The following TNRC18 variants were observed in gnomAD, a reference collection of about 807,000 sequenced individuals.
TNRC18 encodes the protein trinucleotide repeat-containing gene 18 protein.
A neutral mutation model predicts 226.7 loss-of-function variants in TNRC18; 69 were observed. That is an observed-to-expected ratio of 0.30 (90% CI 0.25 to 0.37). TNRC18 has a LOEUF of 0.37. TNRC18 is among the 10% of genes least tolerant of loss of function. The pLI is 1.00. For synonymous variants in TNRC18, 2,449 were observed against 1,927.6 expected, an observed-to-expected ratio of 1.27 and a Z score of -7.09; for missense variants, 4,754 against 4,256.6, an observed-to-expected ratio of 1.12 and a Z score of -3.25.
At position 5,312,345 on chromosome 7, in the gene TNRC18, G is replaced by C. The variant is rs1053831228; in HGVS notation, c.8388+158C>G. ...AGACCCAGGTGCCTGAGGACACTCT[G>C]AGACTCAGTGTACCCATCCATAAAG... On this transcript the variant is annotated intron_variant, in intron 27 of 29. Transcript: ENST00000430969. This position sits in a 1 kb window ranked among gnomAD's most constrained non-coding sequence, Gnocchi z 6.3. 2.0e-5 allele frequency among the ~76,000 whole-genome samples: 3 copies of C among 152,338 alleles called. No individual in the cohort carries two copies. Among genetic ancestry groups the C allele is most frequent in the East Asian group, 1.9e-4 (1 of 5,184 alleles).
intron 2 of TNRC18, among the ~76,000 whole-genome samples, chr7:5,405,672 G>A (rs143637496): frequency 6.6e-6 from 1 of 152,172 alleles, no homozygotes; most frequent in Non-Finnish European, 1.5e-5. Flanking sequence ...GAACCCAGGA[G>A]GGGGAGGTTG....
intron 18 of TNRC18, among the ~76,000 whole-genome samples, chr7:5,335,801 A>G (rs1264362326): frequency 1.3e-5 from 2 of 149,616 alleles, no homozygotes; most frequent in African/African-American, 4.9e-5. Context: ...CACCAAGGAA[A>G]TATCTGCTAA....
chr7:5,403,843 A>G (rs1781279189), intron 2 of TNRC18, among the ~76,000 whole-genome samples: 1 of 152,040 alleles, frequency 6.6e-6, no homozygotes, highest in Non-Finnish European at 1.5e-5. Context: ...CTATCAGAGC[A>G]TCTCATAGAC....
Position 5,394,553 on chromosome 7 carries a change from G to A in TNRC18, c.230C>T (p.Pro77Leu). ...LGSFVASGMG[P>L]SASSHGSPVP... ...TGGGCTCCCATGGGACGAGGCCGAG[G>A]GCCCCATCCCGCTGGCCACAAAGCT... The change falls in exon 3 of 30, where the codon CCC becomes CTC. Residue 77 changes from proline (P) to leucine (L), a missense_variant. Physicochemically the swap from Pro to Leu is moderately conservative, Grantham distance 98. Coordinates refer to ENST00000430969, the MANE Select transcript of TNRC18 (RefSeq NM_001080495.3). The surrounding 1 kb of genome is among the most constrained non-coding windows in gnomAD (Gnocchi z 4.5). 1 of 1,551,078 alleles carries A rather than the reference G, an allele frequency of 6.4e-7. No individual in the cohort carries two copies. The highest frequency in any genetic ancestry group is 8.7e-7 in the Non-Finnish European group (1 of 1,149,300).
At chr7:5,350,473 C>A (rs1221816643) in intron 17 of TNRC18, among the ~76,000 whole-genome samples, 2 of 151,974 alleles carry the variant, frequency 1.3e-5, no homozygotes, top group South Asian at 2.1e-4. Context: ...CCGGGGTGCC[C>A]GAGCCAGGTC....
chr7:5,356,923 G>C lies in TNRC18; in HGVS notation c.5187C>G (p.Tyr1729Ter). Residue 1729 changes from tyrosine to a stop codon, truncating the protein, a stop_gained, in exon 16 of 30, where the codon TAC becomes TAG. Coordinates refer to ENST00000430969, the MANE Select transcript of TNRC18 (RefSeq NM_001080495.3). LOFTEE classifies it high-confidence loss of function. ...HSPFASEVSS[Y>*]SYNTDSEEDE... The stretch of plus-strand genomic sequence containing the variant: ...GCGGCATACGCTACTTACTGTAAGA[G>C]TAGCTGCTCACTTCCGAGGCAAACG... 1 of 1,544,742 alleles carries C rather than the reference G, an allele frequency of 6.5e-7. No individual in the cohort carries two copies. Among genetic ancestry groups the C allele is most frequent in the Non-Finnish European group, 8.7e-7 (1 of 1,143,404 alleles).
intron 18 of TNRC18, 33 bp downstream of exon 18, chr7:5,345,529 C>CCCCCCCCCCCCCCCCCCCCCCCA: frequency 1.3e-6 from 1 of 782,812 alleles, no homozygotes; most frequent in Non-Finnish European, 1.8e-6. Flanking sequence ...CCCTCCCACC[C>CCCCCCCCCCCCCCCCCCCCCCCA]ACCCCCACCG....
intron 18 of TNRC18, among the ~76,000 whole-genome samples, chr7:5,337,101 A>G (rs934968764): frequency 6.6e-6 from 1 of 152,244 alleles, no homozygotes; most frequent in East Asian, 1.9e-4. Context: ...ACGGCTGACA[A>G]AGATAAACAC....
At chr7:5,406,375 C>G (rs1033210413) in intron 2 of TNRC18, among the ~76,000 whole-genome samples, 24 of 152,172 alleles carry the variant, frequency 1.6e-4, no homozygotes, top group Admixed American at 1.2e-3. Flanking sequence ...GGTGGGAGGA[C>G]TGCTTGAACC....
chr7:5,330,018 A>G (rs769317135), intron 19 of TNRC18: 38 of 470,922 alleles, frequency 8.1e-5, no homozygotes, highest in African/African-American at 7.2e-4. Flanking sequence ...CAGACACCCA[A>G]GGAAAATCAC....
Position 5,374,243 on chromosome 7 carries a change from T to C in TNRC18, c.3041A>G (p.Asp1014Gly). Residue 1014 changes from aspartate (D) to glycine (G), a missense_variant, in exon 10 of 30, where the codon GAC (aspartate) becomes GGC (glycine). Asp to Gly is a moderately conservative substitution (Grantham distance 94, BLOSUM62 -1). Transcript: ENST00000430969. ...LKAKVIQKLE[D>G]VSKPPAYAYP... Reference sequence around the variant, plus strand: ...GGCGTAGGCGGGTGGCTTGGACACGTCCTCCAGCTTCTGGATGACCTTGGC... The same window carrying C: ...GGCGTAGGCGGGTGGCTTGGACACGCCCTCCAGCTTCTGGATGACCTTGGC... 3 of 1,499,534 alleles carry C rather than the reference T, an allele frequency of 2.0e-6. No homozygotes were observed. The highest frequency in any genetic ancestry group is 2.7e-6 in the Non-Finnish European group (3 of 1,123,826). The allele number at this position is 1,499,534 out of a possible 1,614,324, so 92.9% of individuals were successfully genotyped here.
chr7:5,383,403 T>C (rs926303402), intron 5 of TNRC18, among the ~76,000 whole-genome samples: 1 of 152,164 alleles, frequency 6.6e-6, no homozygotes, highest in Non-Finnish European at 1.5e-5. Flanking sequence ...TGCCTGAATA[T>C]GAGCAGATGA....
chr7:5,311,182 G>A (rs1235032065), intron 27 of TNRC18, among the ~76,000 whole-genome samples: 2 of 146,582 alleles, frequency 1.4e-5, no homozygotes, highest in East Asian at 4.0e-4. Context: ...ATGTGTACAT[G>A]TGCACACATA....
At chr7:5,387,551 T>A (rs889138054) in intron 5 of TNRC18, 121 bp downstream of exon 5, 2 of 1,401,006 alleles carry the variant, frequency 1.4e-6, no homozygotes, top group South Asian at 2.5e-5. Context: ...AAGACCATTT[T>A]AAAAAATGAT....
At chr7:5,361,838 C>T in intron 13 of TNRC18, 59 bp downstream of exon 13, 1 of 1,510,344 alleles carries the variant, frequency 6.6e-7, no homozygotes. Flanking sequence ...CTGCTGCGCG[C>T]CTGGGGGCCT....
intron 11 of TNRC18, among the ~76,000 whole-genome samples, chr7:5,366,992 G>C (rs1410860800): frequency 6.6e-6 from 1 of 152,204 alleles, no homozygotes; most frequent in African/African-American, 2.4e-5. Flanking sequence ...CTCTGTGGGA[G>C]ACAGGGCGTT....
intron 2 of TNRC18, among the ~76,000 whole-genome samples, chr7:5,401,227 C>CGA (rs1562621602): frequency 7.1e-5 from 2 of 28,164 alleles, no homozygotes; most frequent in African/African-American, 5.2e-4. Flanking sequence ...TGGTTCGAGT[C>CGA]GGGGGGGGGC....
chr7:5,418,369 C>T (rs940436534), intron 2 of TNRC18, among the ~76,000 whole-genome samples: 2 of 152,170 alleles, frequency 1.3e-5, no homozygotes, highest in African/African-American at 4.8e-5. Flanking sequence ...GAGGCCAAAC[C>T]CCTCCATCTT....
At chr7:5,342,467 C>G (rs1790783419) in intron 18 of TNRC18, among the ~76,000 whole-genome samples, 1 of 151,952 alleles carries the variant, frequency 6.6e-6, no homozygotes, top group Non-Finnish European at 1.5e-5. Context: ...TGATTCCAAC[C>G]CTCGCGGACA....
Sources: gnomAD v4.1 joint callset for allele counts (sites outside exome capture counted in the v4.1 genomes callset) on GRCh38, gnomAD v4.1.1 for gene constraint, Gnocchi (gnomAD v3.1) non-coding constraint, MANE v1.5 for transcripts, NCBI Gene and HGNC (gene_info 2026-07-23, HGNC 2026-07-21) for gene names.